Variants in SCARB2 observed in about 807,000 individuals in gnomAD.
SCARB2 encodes the protein lysosome membrane protein 2.
In SCARB2, 29 loss-of-function variants were observed where a neutral mutation model predicts 58.6. The observed-to-expected ratio is 0.49, with a 90% confidence interval of 0.37 to 0.67. The LOEUF (loss-of-function observed/expected upper bound fraction) is 0.67, where lower values mean the gene tolerates loss of function less well. SCARB2 is among the 30% of genes least tolerant of loss of function. SCARB2 has a pLI of 0.00. For synonymous variants in SCARB2, 195 were observed against 210.1 expected, an observed-to-expected ratio of 0.93 and a Z score of 0.62; for missense variants, 488 against 578.5, an observed-to-expected ratio of 0.84 and a Z score of 1.60.
chr4:76,177,291 A>G (rs1049915365), intron 4 of SCARB2, among the ~76,000 whole-genome samples: 7 of 152,044 alleles, frequency 4.6e-5, no homozygotes, highest in Non-Finnish European at 1.0e-4. Flanking sequence ...GGGAAATGCA[A>G]ATCAAAACCA....
intron 1 of SCARB2, among the ~76,000 whole-genome samples, chr4:76,233,607 T>C (rs1733530573): frequency 1.3e-5 from 2 of 151,362 alleles, no homozygotes; most frequent in African/African-American, 2.4e-5. Flanking sequence ...CACACACATA[T>C]GTAACTGACA....
At chr4:76,227,146 T>C (rs1733412431) in intron 1 of SCARB2, among the ~76,000 whole-genome samples, 2 of 152,208 alleles carry the variant, frequency 1.3e-5, no homozygotes, top group Non-Finnish European at 2.9e-5. Flanking sequence ...TTTCAGACTT[T>C]TTGATGTAGT....
At chr4:76,224,943 T>C (rs1733369501) in intron 1 of SCARB2, among the ~76,000 whole-genome samples, 1 of 152,038 alleles carries the variant, frequency 6.6e-6, no homozygotes, top group Admixed American at 6.6e-5. Context: ...CATTATATCA[T>C]TCTTATAGGC....
At chr4:76,203,105 G>A (rs920262889) in intron 1 of SCARB2, among the ~76,000 whole-genome samples, 1 of 152,150 alleles carries the variant, frequency 6.6e-6, no homozygotes, top group Non-Finnish European at 1.5e-5. Flanking sequence ...CACTGGAGTA[G>A]CTGGGATTAC....
At chr4:76,207,436 G>C (rs1194904100) in intron 1 of SCARB2, among the ~76,000 whole-genome samples, 3 of 152,182 alleles carry the variant, frequency 2.0e-5, no homozygotes, top group African/African-American at 4.8e-5. Context: ...CTCTTGTTTA[G>C]TGTTATATCC....
intron 1 of SCARB2, among the ~76,000 whole-genome samples, chr4:76,231,792 C>T (rs184910208): frequency 1.8e-4 from 28 of 152,284 alleles, no homozygotes; most frequent in African/African-American, 5.8e-4. Flanking sequence ...ACTTGGAGTT[C>T]CTGGACCTGT....
chr4:76,180,884 T>A, intron 3 of SCARB2, 70 bp downstream of exon 3: 1 of 1,362,846 alleles, frequency 7.3e-7, no homozygotes, highest in Non-Finnish European at 1.0e-6. Context: ...TGTAAAATCA[T>A]AAAGAGCATT....
intron 8 of SCARB2, 115 bp downstream of exon 8, chr4:76,169,752 G>T: frequency 2.3e-6 from 2 of 887,310 alleles, no homozygotes; most frequent in Non-Finnish European, 3.8e-6. Flanking sequence ...TCTCCCACTT[G>T]AATATGTATA....
At chr4:76,227,627 G>A (rs948968929) in intron 1 of SCARB2, among the ~76,000 whole-genome samples, 4 of 152,198 alleles carry the variant, frequency 2.6e-5, no homozygotes, top group Admixed American at 6.5e-5. Context: ...GTGGAGTATT[G>A]AAGTCCCCAC....
intron 1 of SCARB2, among the ~76,000 whole-genome samples, chr4:76,212,540 G>C (rs1004429225): frequency 6.6e-6 from 1 of 152,204 alleles, no homozygotes; most frequent in Non-Finnish European, 1.5e-5. Context: ...GAAATGAAGC[G>C]TGCAGTTATG....
upstream of SCARB2, chr4:76,214,291 T>C (rs775418437): frequency 2.2e-6 from 1 of 456,206 alleles, no homozygotes; most frequent in South Asian, 1.5e-5. Flanking sequence ...GCAAGCATGT[T>C]CTGCCTGGAT....
intron 2 of SCARB2, among the ~76,000 whole-genome samples, chr4:76,182,807 A>C (rs552562085): frequency 6.6e-6 from 1 of 152,364 alleles, no homozygotes; most frequent in East Asian, 1.9e-4. Context: ...TGTCCCAGTA[A>C]ACCCATCATA....
At chr4:76,225,369 T>A (rs1195561244) in intron 1 of SCARB2, among the ~76,000 whole-genome samples, 1 of 152,206 alleles carries the variant, frequency 6.6e-6, no homozygotes, top group Non-Finnish European at 1.5e-5. Flanking sequence ...CTTTACCAAT[T>A]TGGATGCCTT....
At chr4:76,169,317 T>TACACACACACACACAC (rs1553947566) in intron 8 of SCARB2, among the ~76,000 whole-genome samples, 9 of 127,398 alleles carry the variant, frequency 7.1e-5, no homozygotes, top group African/African-American at 2.8e-4. Flanking sequence ...ATGTGTATTA[T>TACACACACACACACAC]ACACACACAC....
chr4:76,196,089 G>C (rs559042615), intron 1 of SCARB2, among the ~76,000 whole-genome samples: 109 of 152,306 alleles, frequency 7.2e-4, no homozygotes, highest in African/African-American at 2.4e-3. Context: ...ATTTGTAAAG[G>C]GGCCGGGCCC....
intron 8 of SCARB2, among the ~76,000 whole-genome samples, chr4:76,169,317 T>TACACACACACACACACACACACAC (rs1553947566): frequency 7.8e-6 from 1 of 127,398 alleles, no homozygotes; most frequent in African/African-American, 3.5e-5. Flanking sequence ...ATGTGTATTA[T>TACACACACACACACACACACACAC]ACACACACAC....
At chr4:76,225,207 G>A (rs542024142) in intron 1 of SCARB2, among the ~76,000 whole-genome samples, 1 of 152,230 alleles carries the variant, frequency 6.6e-6, no homozygotes, top group African/African-American at 2.4e-5. Context: ...ACTTGAGCTG[G>A]TTCCATATTT....
At chr4:76,209,305 A>G (rs1732992648) in intron 1 of SCARB2, among the ~76,000 whole-genome samples, 1 of 152,172 alleles carries the variant, frequency 6.6e-6, no homozygotes, top group South Asian at 2.1e-4. Flanking sequence ...AAAAAACAAG[A>G]TCCCATAGTC....
chr4:76,166,357 T>C, intron 9 of SCARB2, 56 bp from the exon 10 acceptor site: 1 of 1,516,786 alleles, frequency 6.6e-7, no homozygotes, highest in East Asian at 2.3e-5. Flanking sequence ...AATGGCACAC[T>C]TTCCCGGACA....
Sources: allele counts gnomAD v4.1 joint callset (sites outside exome capture counted in the v4.1 genomes callset), GRCh38; gene constraint gnomAD v4.1.1; transcripts MANE v1.5; gene names NCBI Gene and HGNC (gene_info 2026-07-23, HGNC 2026-07-21).